Variants in SETD2 observed in about 807,000 individuals in gnomAD.
SETD2 encodes the protein SET domain containing 2, histone lysine methyltransferase.
SETD2 carries 31 observed loss-of-function variants against 242.1 expected under a neutral mutation model. That is an observed-to-expected ratio of 0.13 (90% CI 0.10 to 0.17). SETD2 has a LOEUF of 0.17. SETD2 is among the 10% of genes least tolerant of loss of function. The pLI is 1.00. For missense variants in SETD2, 2,481 were observed against 3,046.3 expected (o/e 0.81, Z 4.37); for synonymous variants, 1,006 against 1,066.5 (o/e 0.94, Z 1.11).
chr3:47,086,131 T>C, intron 11 of SETD2, 64 bp downstream of exon 11: 1 of 1,570,554 alleles, frequency 6.4e-7, no homozygotes, highest in Non-Finnish European at 8.7e-7. Context: ...TATTATCACA[T>C]ATCCACAACC....
chr3:47,016,446 G>T lies in SETD2; in HGVS notation c.*647C>A. 1 of 230,478 alleles carries T rather than the reference G, an allele frequency of 4.3e-6. No homozygotes were observed. Among genetic ancestry groups the T allele is most frequent in the Non-Finnish European group, 8.6e-6 (1 of 116,158 alleles). The allele number at this position is 230,478 out of a possible 1,614,324, so 14.3% of individuals were successfully genotyped here. A position where few individuals can be genotyped will look rare whatever the true frequency, so the allele number is the denominator to read the frequency against. ...AACACACATGCCAAGTTCTTTAATT[G>T]ATTTTATTTTTTTACATAAAAAGTT... On this transcript the variant is annotated 3_prime_UTR_variant, in exon 21 of 21. Coordinates refer to ENST00000409792, the MANE Select transcript of SETD2 (RefSeq NM_014159.7).
At position 47,123,338 on chromosome 3, in the gene SETD2, C is replaced by T. The variant is rs764693453; in HGVS notation, c.1298G>A (p.Arg433His). ...TCGATAAGGGGAGCTCCTATGGTAG[C>T]GACGATCAGAGTCATAATAATGAGA... ...ERSHYYDSDR[R>H]YHRSSPYRER... The change falls in exon 3 of 21, where the codon CGC becomes CAC. Residue 433 changes from arginine to histidine, a missense_variant. Arg to His is a conservative substitution (Grantham distance 29). Transcript: ENST00000409792. 17 of 1,551,478 alleles carry T rather than the reference C, an allele frequency of 1.1e-5. No homozygotes were observed. Among genetic ancestry groups the T allele is most frequent in the Admixed American group, 7.8e-5 (4 of 50,974 alleles).
chr3:47,067,606 G>A (rs940416721), intron 12 of SETD2, among the ~76,000 whole-genome samples: 1 of 151,586 alleles, frequency 6.6e-6, no homozygotes, highest in Non-Finnish European at 1.5e-5. Context: ...GTAGAGATGG[G>A]GTTTTATCAC....
At position 47,057,171 on chromosome 3, in the gene SETD2, G is replaced by T. The variant is rs1051270951; in HGVS notation, c.6613C>A (p.His2205Asn). The change falls in exon 15 of 21, where the codon CAT becomes AAT. Residue 2205 changes from histidine (H) to asparagine (N), a missense_variant. Transcript: ENST00000409792. ...GAATGTCCCACCAAGGGCTGAGCATGATCATAAGGAGCAGGAGAACACACT... is the reference window on the plus strand; with the variant it reads ...GAATGTCCCACCAAGGGCTGAGCATTATCATAAGGAGCAGGAGAACACACT... ...DPVCSPAPYD[H>N]AQPLVGHSTE... is the part of the protein sequence containing the mutation. 1 of 1,614,164 alleles carries T rather than the reference G, an allele frequency of 6.2e-7. No individual in the cohort carries two copies. Among genetic ancestry groups the T allele is most frequent in the African/African-American group, 1.3e-5 (1 of 75,070 alleles).
intron 9 of SETD2, among the ~76,000 whole-genome samples, chr3:47,097,253 A>G (rs779801358): frequency 2.0e-5 from 3 of 152,212 alleles, no homozygotes; most frequent in Non-Finnish European, 4.4e-5. Flanking sequence ...CATTTTTACT[A>G]TGGATCCAGC....
At chr3:47,127,993 T>A (rs975929706) in intron 1 of SETD2, among the ~76,000 whole-genome samples, 8 of 150,566 alleles carry the variant, frequency 5.3e-5, no homozygotes, top group Middle Eastern at 3.5e-3. Context: ...TCTCTCTCTC[T>A]CACACACACA....
chr3:47,037,536 C>G, intron 18 of SETD2, 130 bp downstream of exon 18: 1 of 659,922 alleles, frequency 1.5e-6, no homozygotes, highest in Non-Finnish European at 2.7e-6. Context: ...GACTTCATCT[C>G]TACACCTTGA....
At chr3:47,084,810 A>T (rs576582451) in intron 11 of SETD2, among the ~76,000 whole-genome samples, 1 of 151,306 alleles carries the variant, frequency 6.6e-6, no homozygotes, top group African/African-American at 2.4e-5. Flanking sequence ...TGGTCACTGC[A>T]ATCTCTGGCT....
In SETD2 at chr3:47,019,964, G is replaced by A. The variant is rs187022762; in HGVS notation, c.7351-124C>T. ...TACCTGATTCTTGGTATTAGAATCC[G>A]TTTAGAGGCCCTGACTCAGGTACAA... On this transcript the variant is annotated intron_variant, in intron 18 of 20. Transcript: ENST00000409792. 3,919 of 776,800 alleles carry A rather than the reference G, an allele frequency of 5.0e-3. 30 individuals are homozygous for A. Among genetic ancestry groups the A allele is most frequent in the Middle Eastern group, 0.02 (81 of 4,136 alleles). The allele number at this position is 776,800 out of a possible 1,614,324, so 48.1% of individuals were successfully genotyped here. A position where few individuals can be genotyped will look rare whatever the true frequency, so the allele number is the denominator to read the frequency against.
intron 13 of SETD2, 198 bp downstream of exon 13, chr3:47,066,871 GT>G (rs1331624953): frequency 8.3e-6 from 4 of 482,220 alleles, no homozygotes; most frequent in Non-Finnish European, 1.1e-5. Flanking sequence ...ACAAAACAGT[GT>G]AAGAGACATT....
At chr3:47,098,630 T>C (rs912977333) in intron 8 of SETD2, among the ~76,000 whole-genome samples, 6 of 152,108 alleles carry the variant, frequency 3.9e-5, no homozygotes, top group South Asian at 2.1e-4. Context: ...ACCCCATTTC[T>C]ATTAAAAATA....
intron 12 of SETD2, among the ~76,000 whole-genome samples, chr3:47,074,111 T>C (rs757288186): frequency 9.2e-5 from 14 of 152,348 alleles, no homozygotes; most frequent in Admixed American, 2.6e-4. Flanking sequence ...AATTATGGCA[T>C]ACCTATACAG....
At position 47,039,766 on chromosome 3, in the gene SETD2, T is replaced by C. The variant is rs1238616013; in HGVS notation, c.7239-1989A>G. Reference sequence around the variant, plus strand: ...CATGGTGGCAGGTGCCTGTAATCCCTGCTAGTCAGGAAGCTGAGAGGCAGG... The same window carrying C: ...CATGGTGGCAGGTGCCTGTAATCCCCGCTAGTCAGGAAGCTGAGAGGCAGG... On this transcript the variant is annotated intron_variant, in intron 17 of 20. Transcript: ENST00000409792. 3.7e-4 allele frequency among the ~76,000 whole-genome samples: 54 copies of C among 145,396 alleles called. No homozygotes were observed. The East Asian group carries it at 0.011, about 31-fold the overall frequency.
chr3:47,023,109 C>G (rs2107501459), intron 18 of SETD2, among the ~76,000 whole-genome samples: 1 of 152,212 alleles, frequency 6.6e-6, no homozygotes, highest in Middle Eastern at 3.4e-3. Context: ...TAATTAAATA[C>G]TGATTAGAGG....
chr3:47,098,125 AC>A, intron 8 of SETD2, 44 bp from the exon 9 acceptor site: 1 of 1,605,070 alleles, frequency 6.2e-7, no homozygotes, highest in Non-Finnish European at 8.5e-7. Context: ...GTGGAAGTAA[AC>A]CATACAAAAC....
At chr3:47,155,517 T>TA (rs897988302) in intron 1 of SETD2, among the ~76,000 whole-genome samples, 1 of 152,164 alleles carries the variant, frequency 6.6e-6, no homozygotes, top group African/African-American at 2.4e-5. Context: ...TTTTTCAAAA[T>TA]AAAAAGTGTT....
intron 1 of SETD2, among the ~76,000 whole-genome samples, chr3:47,133,759 A>T (rs772938634): frequency 9.9e-5 from 15 of 152,260 alleles, no homozygotes; most frequent in Non-Finnish European, 1.9e-4. Flanking sequence ...GGACCCTTGG[A>T]AATCCTAGAG....
intron 12 of SETD2, among the ~76,000 whole-genome samples, chr3:47,078,740 GT>G (rs1033135850): frequency 6.7e-6 from 1 of 148,856 alleles, no homozygotes; most frequent in Non-Finnish European, 1.5e-5. Context: ...GTTTTGTTTT[GT>G]TTTTTTTTAC....
intron 18 of SETD2, among the ~76,000 whole-genome samples, chr3:47,035,850 T>A (rs1161337990): frequency 6.6e-6 from 1 of 152,250 alleles, no homozygotes; most frequent in African/African-American, 2.4e-5. Flanking sequence ...TTTGTTTGTA[T>A]TTAAGCTTAC....
Sources: allele counts gnomAD v4.1 joint callset (sites outside exome capture counted in the v4.1 genomes callset), GRCh38; gene constraint gnomAD v4.1.1; transcripts MANE v1.5; gene names NCBI Gene and HGNC (gene_info 2026-07-23, HGNC 2026-07-21).